The following ADGRL3 variants were observed in gnomAD, a reference collection of about 807,000 sequenced individuals.
ADGRL3 encodes the protein calcium-independent alpha-latrotoxin receptor 3.
ADGRL3 carries 62 observed loss-of-function variants against 153.5 expected under a neutral mutation model. That is an observed-to-expected ratio of 0.40 (90% CI 0.33 to 0.50). ADGRL3 has a LOEUF of 0.50. ADGRL3 is among the 20% of genes least tolerant of loss of function. The pLI, the probability that ADGRL3 is intolerant of heterozygous loss-of-function variation, is 0.47. For synonymous variants in ADGRL3, 710 were observed against 672.5 expected, an observed-to-expected ratio of 1.06 and a Z score of -0.86; for missense variants, 1,641 against 1,859.4, an observed-to-expected ratio of 0.88 and a Z score of 2.16.
chr4:62,060,621 C>T (rs778793087), intron 25 of ADGRL3, among the ~76,000 whole-genome samples: 1 of 151,818 alleles, frequency 6.6e-6, no homozygotes, highest in African/African-American at 2.4e-5. Context: ...GTACAATTTA[C>T]AGATAATTTG....
chr4:61,422,721 A>G (rs1314610998), intron 2 of ADGRL3, among the ~76,000 whole-genome samples: 1 of 152,060 alleles, frequency 6.6e-6, no homozygotes, highest in Non-Finnish European at 1.5e-5. Context: ...ATGAATAGTA[A>G]TCTGCCCACA....
intron 9 of ADGRL3, among the ~76,000 whole-genome samples, chr4:61,832,350 C>T (rs1336009587): frequency 6.6e-6 from 1 of 152,160 alleles, no homozygotes; most frequent in African/African-American, 2.4e-5. Flanking sequence ...GTCCTCAGGA[C>T]AACAGATGAA....
At chr4:62,068,112 C>T (rs1027351917) in intron 25 of ADGRL3, 54 bp from the exon 26 acceptor site, 17 of 1,245,410 alleles carry the variant, frequency 1.4e-5, no homozygotes, top group Non-Finnish European at 1.8e-5. Flanking sequence ...CTTCTACTGT[C>T]GCTGTAAGCT....
At chr4:61,969,384 G>A (rs1397545) in intron 17 of ADGRL3, among the ~76,000 whole-genome samples, 14,769 of 152,082 alleles carry the variant, frequency 0.097, 1,070 homozygotes, top group Middle Eastern at 0.21. Context: ...CTCCACAATT[G>A]TATTCATATG....
At chr4:61,418,256 G>A (rs907361363) in intron 2 of ADGRL3, among the ~76,000 whole-genome samples, 29 of 152,174 alleles carry the variant, frequency 1.9e-4, no homozygotes, top group Admixed American at 1.2e-3. Context: ...GAGTAGAAGC[G>A]CAATTTCTCT....
intron 9 of ADGRL3, among the ~76,000 whole-genome samples, chr4:61,824,914 G>C (rs1467046350): frequency 6.6e-6 from 1 of 152,076 alleles, no homozygotes; most frequent in Admixed American, 6.6e-5. Context: ...AGATCTTTTA[G>C]TAGGGGTTGG....
chr4:61,553,689 A>AT (rs989664064), intron 4 of ADGRL3, among the ~76,000 whole-genome samples: 6 of 151,226 alleles, frequency 4.0e-5, no homozygotes, highest in East Asian at 3.9e-4. Context: ...TTCATTGCAC[A>AT]TTTTTTTTTC....
At chr4:61,849,439 C>T (rs1688130594) in intron 9 of ADGRL3, among the ~76,000 whole-genome samples, 1 of 151,982 alleles carries the variant, frequency 6.6e-6, no homozygotes, top group Non-Finnish European at 1.5e-5. Flanking sequence ...GGATGGATTC[C>T]AATATGTGTT....
At chr4:61,539,100 C>T (rs1336653705) in intron 4 of ADGRL3, among the ~76,000 whole-genome samples, 2 of 152,210 alleles carry the variant, frequency 1.3e-5, no homozygotes, top group Admixed American at 1.3e-4. Flanking sequence ...CCAGAACTGA[C>T]AGCTCTGTGA....
At chr4:61,635,391 T>C (rs965390828) in intron 5 of ADGRL3, among the ~76,000 whole-genome samples, 2 of 152,064 alleles carry the variant, frequency 1.3e-5, no homozygotes, top group Admixed American at 1.3e-4. Context: ...GTGCAGTGCA[T>C]TGATGGTAGA....
intron 5 of ADGRL3, among the ~76,000 whole-genome samples, chr4:61,664,154 TG>T (rs2094703093): frequency 2.0e-5 from 3 of 152,198 alleles, no homozygotes; most frequent in African/African-American, 7.2e-5. Flanking sequence ...TGTAATGTTT[TG>T]GGGGCAAAGA....
At chr4:61,315,222 G>A (rs2095164514) in intron 1 of ADGRL3, among the ~76,000 whole-genome samples, 1 of 152,130 alleles carries the variant, frequency 6.6e-6, no homozygotes, top group Admixed American at 6.6e-5. Flanking sequence ...TCTCAACGTG[G>A]GGAAGTTCTT....
intron 8 of ADGRL3, among the ~76,000 whole-genome samples, chr4:61,752,418 G>T (rs568492041): frequency 6.6e-6 from 1 of 152,254 alleles, no homozygotes; most frequent in Non-Finnish European, 1.5e-5. Context: ...ATGGAAAAAT[G>T]TGATAGGACA....
At chr4:61,860,528 G>A (rs995172301) in intron 9 of ADGRL3, among the ~76,000 whole-genome samples, 4 of 151,972 alleles carry the variant, frequency 2.6e-5, no homozygotes, top group Admixed American at 2.0e-4. Flanking sequence ...TGGAGTAGAA[G>A]ACTTTTATGA....
intron 5 of ADGRL3, among the ~76,000 whole-genome samples, chr4:61,636,942 G>A (rs547136507): frequency 2.3e-4 from 35 of 152,044 alleles, no homozygotes; most frequent in African/African-American, 7.7e-4. Flanking sequence ...ACAAGGGATC[G>A]GAGGGTGATA....
intron 4 of ADGRL3, among the ~76,000 whole-genome samples, chr4:61,537,171 A>AT (rs35245648): frequency 0.71 from 104,475 of 146,580 alleles, 37,048 homozygotes; most frequent in East Asian, 0.89. Flanking sequence ...CTTGCCTTGC[A>AT]TTTTTTTTTT....
At chr4:61,972,444 G>A (rs1432235830) in intron 17 of ADGRL3, among the ~76,000 whole-genome samples, 1 of 152,040 alleles carries the variant, frequency 6.6e-6, no homozygotes, top group Non-Finnish European at 1.5e-5. Flanking sequence ...TTTTTGTCAG[G>A]TTTGTCAGAG....
intron 26 of ADGRL3, among the ~76,000 whole-genome samples, chr4:62,069,452 G>A (rs540846985): frequency 6.6e-6 from 1 of 151,912 alleles, no homozygotes; most frequent in Admixed American, 6.6e-5. Flanking sequence ...AAATTCCTCG[G>A]TGTAAATTCT....
chr4:62,051,821 A>G (rs1734368726), intron 25 of ADGRL3, among the ~76,000 whole-genome samples: 1 of 151,794 alleles, frequency 6.6e-6, no homozygotes, highest in African/African-American at 2.4e-5. Context: ...TAAATTCTAA[A>G]TATAAGTGCT....
Sources: allele counts gnomAD v4.1 joint callset (sites outside exome capture counted in the v4.1 genomes callset), GRCh38; gene constraint gnomAD v4.1.1; transcripts MANE v1.5; gene names NCBI Gene and HGNC (gene_info 2026-07-23, HGNC 2026-07-21).